Variants in CDH7 observed in about 807,000 individuals in gnomAD.
CDH7 encodes cadherin-7.
In CDH7, 25 loss-of-function variants were observed where a neutral mutation model predicts 71.8. That is an observed-to-expected ratio of 0.35 (90% CI 0.25 to 0.49). CDH7 has a LOEUF of 0.49. CDH7 is among the 20% of genes least tolerant of loss of function. CDH7 has a pLI of 0.99. For synonymous variants in CDH7, 381 were observed against 363.8 expected, an observed-to-expected ratio of 1.05 and a Z score of -0.54; for missense variants, 862 against 974.6, an observed-to-expected ratio of 0.88 and a Z score of 1.54.
chr18:65,806,047 G>T (rs1457066895), intron 2 of CDH7, among the ~76,000 whole-genome samples: 9 of 152,088 alleles, frequency 5.9e-5, no homozygotes. Context: ...TATCAAGCAG[G>T]GCCTGATGGA....
rs1051011423 is a variant in CDH7 at position 65,890,153 on chromosome 18, T to C, written c.*9259T>C. 2.6e-5 allele frequency: 4 copies of C among 152,156 alleles called. No homozygotes were observed. Among genetic ancestry groups the C allele is most frequent in the Non-Finnish European group, 5.9e-5 (4 of 68,024 alleles). The allele number at this position is 152,156 out of a possible 1,614,324, so 9.4% of individuals were successfully genotyped here. ...ATGCCACTATCTTTATAGGAAGCTT[T>C]ACCGACTTTGTACGACTTGGTTTAA... On this transcript the variant is annotated 3_prime_UTR_variant, in exon 12 of 12. Transcript: ENST00000397968.
intron 7 of CDH7, among the ~76,000 whole-genome samples, chr18:65,850,611 T>C (rs1415313389): frequency 6.7e-6 from 1 of 149,094 alleles, no homozygotes; most frequent in African/African-American, 2.5e-5. Context: ...ATTATTATTA[T>C]TATTATTCAT....
In CDH7 at chr18:65,822,425, G is replaced by A. The variant is rs9955096; in HGVS notation, c.793+177G>A. ...TTGATTCAGGAATATGGATTATAAG[G>A]GTATTGAGAAGAAATAGAAGCCATC... On this transcript the variant is annotated intron_variant, in intron 5 of 11. Transcript: ENST00000397968. Among the ~76,000 whole-genome samples, 31,029 of 151,568 alleles carry A rather than the reference G, an allele frequency of 0.2. 3,359 individuals carry two copies. Among genetic ancestry groups the A allele is most frequent in the Non-Finnish European group, 0.25 (16,943 of 67,796 alleles).
At chr18:65,786,731 C>T (rs747474958) in intron 2 of CDH7, among the ~76,000 whole-genome samples, 3 of 151,848 alleles carry the variant, frequency 2.0e-5, no homozygotes, top group Admixed American at 6.6e-5. Context: ...TTGCCCAGGC[C>T]GGAGTGCAGT....
Position 65,886,424 on chromosome 18 carries a change from A to T in CDH7, c.*5530A>T. The T allele has an allele frequency of 6.6e-6, 1 of 151,552 alleles. No individual in the cohort carries two copies. The highest frequency in any genetic ancestry group is 1.9e-4 in the East Asian group (1 of 5,164). The allele number at this position is 151,552 out of a possible 1,614,324, so 9.4% of individuals were successfully genotyped here. ...CCACTCAAATACAGTTATTTATAAG[A>T]TCTCAGAAGATTGCAGTTTAACTCA... is the stretch of plus-strand genomic sequence containing the variant. On this transcript the variant is annotated 3_prime_UTR_variant, in exon 12 of 12. Coordinates refer to ENST00000397968, the MANE Select transcript of CDH7 (RefSeq NM_004361.5).
intron 2 of CDH7, among the ~76,000 whole-genome samples, chr18:65,791,754 G>A (rs1305312208): frequency 6.6e-6 from 1 of 152,192 alleles, no homozygotes; most frequent in Non-Finnish European, 1.5e-5. Flanking sequence ...GTAATCCTGC[G>A]ATGCTCACTC....
At chr18:65,773,516 C>T (rs1916607805) in intron 2 of CDH7, among the ~76,000 whole-genome samples, 1 of 152,054 alleles carries the variant, frequency 6.6e-6, no homozygotes, top group African/African-American at 2.4e-5. Context: ...TGAAAATACA[C>T]ATTTCAGAGT....
chr18:65,841,285 GT>G (rs796908722), intron 6 of CDH7, among the ~76,000 whole-genome samples: 21 of 152,118 alleles, frequency 1.4e-4, no homozygotes, highest in African/African-American at 5.1e-4. Flanking sequence ...AAAAAAACAA[GT>G]TGCTGTAAAA....
intron 1 of CDH7, among the ~76,000 whole-genome samples, chr18:65,757,787 A>G (rs948867355): frequency 7.1e-6 from 1 of 141,260 alleles, no homozygotes; most frequent in Non-Finnish European, 1.5e-5. Flanking sequence ...CCATATATAT[A>G]TATATTTTTT....
chr18:65,750,988 A>C (rs1192331279), upstream of CDH7: 2 of 152,016 alleles, frequency 1.3e-5, no homozygotes, highest in Non-Finnish European at 2.9e-5. Flanking sequence ...GGCGGGCCCG[A>C]GCGGGTGTCG....
chr18:65,824,926 G>T, intron 6 of CDH7, 95 bp downstream of exon 6: 8 of 719,358 alleles, frequency 1.1e-5, no homozygotes, highest in Admixed American at 6.3e-5. Flanking sequence ...TGGCCATATG[G>T]GACCATTACT....
chr18:65,833,232 T>G (rs1048191445), intron 6 of CDH7, among the ~76,000 whole-genome samples: 2 of 152,218 alleles, frequency 1.3e-5, no homozygotes, highest in African/African-American at 4.8e-5. Context: ...TGCACAGATG[T>G]GGACTACCTG....
At chr18:65,770,524 G>A (rs905746474) in intron 2 of CDH7, among the ~76,000 whole-genome samples, 2 of 152,158 alleles carry the variant, frequency 1.3e-5, no homozygotes, top group Non-Finnish European at 2.9e-5. Context: ...TACATTCAAT[G>A]TTGAAATAAA....
chr18:65,850,435 C>G (rs1913107166), intron 7 of CDH7, among the ~76,000 whole-genome samples: 1 of 151,492 alleles, frequency 6.6e-6, no homozygotes, highest in African/African-American at 2.4e-5. Context: ...ACTGAATGGC[C>G]AATCTTCAGA....
intron 3 of CDH7, among the ~76,000 whole-genome samples, chr18:65,811,966 CTTTTTT>C (rs57594274): frequency 1.0e-5 from 1 of 95,884 alleles, no homozygotes; most frequent in Admixed American, 1.5e-4. Context: ...CTTTTCTTTT[CTTTTTT>C]TTTTTTTTTT....
At chr18:65,810,512 T>C (rs1054901140) in intron 3 of CDH7, among the ~76,000 whole-genome samples, 13 of 152,206 alleles carry the variant, frequency 8.5e-5, no homozygotes, top group African/African-American at 3.1e-4. Flanking sequence ...GTAATGAGTA[T>C]GCTTGAACCT....
intron 11 of CDH7, among the ~76,000 whole-genome samples, chr18:65,874,030 A>G (rs1158282198): frequency 1.3e-5 from 2 of 152,186 alleles, no homozygotes; most frequent in Admixed American, 1.3e-4. Flanking sequence ...TCAAATATTT[A>G]TTGAGCACAT....
intron 2 of CDH7, among the ~76,000 whole-genome samples, chr18:65,787,022 T>C (rs939609649): frequency 2.0e-5 from 3 of 149,786 alleles, no homozygotes; most frequent in Non-Finnish European, 4.4e-5. Context: ...AATGAAAACT[T>C]TTTTTTTTCC....
intron 2 of CDH7, among the ~76,000 whole-genome samples, chr18:65,800,715 T>C (rs1911091615): frequency 6.6e-6 from 1 of 152,184 alleles, no homozygotes; most frequent in Non-Finnish European, 1.5e-5. Flanking sequence ...TAAATAGATG[T>C]TTATAGAATA....
Sources: allele counts gnomAD v4.1 joint callset (sites outside exome capture counted in the v4.1 genomes callset), GRCh38; gene constraint gnomAD v4.1.1; transcripts MANE v1.5; gene names NCBI Gene and HGNC (gene_info 2026-07-23, HGNC 2026-07-21).